BCL2L1: variants seen among roughly 807,000 people sequenced by gnomAD.
BCL2L1 encodes the protein bcl-2-like protein 1.
BCL2L1 carries 1 observed loss-of-function variant against 18.7 expected under a neutral mutation model. That is an observed-to-expected ratio of 0.05 (90% CI 0.02 to 0.25). The LOEUF (loss-of-function observed/expected upper bound fraction) is 0.25. BCL2L1 is among the 10% of genes least tolerant of loss of function. The pLI, the probability that BCL2L1 is intolerant of heterozygous loss-of-function variation, is 1.00. For missense variants in BCL2L1, 207 were observed against 304.9 expected, an observed-to-expected ratio of 0.68 and a Z score of 2.39; for synonymous variants, 103 against 122.7, an observed-to-expected ratio of 0.84 and a Z score of 1.06.
chr20:31,678,694 G>A (rs2060803905), intron 2 of BCL2L1, among the ~76,000 whole-genome samples: 1 of 152,152 alleles, frequency 6.6e-6, no homozygotes, highest in South Asian at 2.1e-4. Flanking sequence ...CTATGACCAG[G>A]CAGACTCCTG....
intron 2 of BCL2L1, among the ~76,000 whole-genome samples, chr20:31,717,625 T>C (rs1038601611): frequency 6.6e-6 from 1 of 152,210 alleles, no homozygotes; most frequent in South Asian, 2.1e-4. Flanking sequence ...GGGTTTCTAA[T>C]GGGGTTTCCC....
upstream of BCL2L1, chr20:31,723,842 G>C: frequency 1.0e-6 from 1 of 985,436 alleles, no homozygotes; most frequent in Non-Finnish European, 1.2e-6. Context: ...ACCCGGGCCG[G>C]CCTACCTGGC....
intron 2 of BCL2L1, among the ~76,000 whole-genome samples, chr20:31,692,360 C>T (rs1296320741): frequency 2.0e-5 from 3 of 152,230 alleles, no homozygotes. Flanking sequence ...GAGACATGAT[C>T]ATATAAATGG....
At chr20:31,714,262 AC>A (rs1465765894) in intron 2 of BCL2L1, among the ~76,000 whole-genome samples, 2 of 152,204 alleles carry the variant, frequency 1.3e-5, no homozygotes, top group Non-Finnish European at 2.9e-5. Flanking sequence ...ATAAAGGGAA[AC>A]TGGGGACTGG....
chr20:31,702,968 G>A (rs1438416234), intron 2 of BCL2L1, among the ~76,000 whole-genome samples: 1 of 151,672 alleles, frequency 6.6e-6, no homozygotes, highest in East Asian at 2.0e-4. Flanking sequence ...AAAAAGTCTG[G>A]GTTTTATTCT....
intron 2 of BCL2L1, among the ~76,000 whole-genome samples, chr20:31,676,431 G>A (rs1474973466): frequency 6.6e-6 from 1 of 152,176 alleles, no homozygotes; most frequent in African/African-American, 2.4e-5. Context: ...TCTGTCTCCA[G>A]AGTCCAAACA....
Position 31,721,896 on chromosome 20 carries a change from A to C in BCL2L1, c.323T>G (p.Leu108Arg), listed in dbSNP as rs139457299. The C allele has an allele frequency of 6.2e-7, 1 of 1,614,178 alleles. No homozygotes were observed. Among genetic ancestry groups the C allele is most frequent in the Non-Finnish European group, 8.5e-7 (1 of 1,180,020 alleles). Residue 108 changes from leucine to arginine, a missense_variant, in exon 2 of 3, where the codon CTG becomes CGG. Transcript: ENST00000307677. ...TGGGGTGATGTGGAGCTGGGATGTC[A>C]GGTCACTGAATGCCCGCCGGTACCG... ...ELRYRRAFSD[L>R]TSQLHITPGT...
Position 31,694,970 on chromosome 20 carries a change from C to T in BCL2L1, c.564+26685G>A, listed in dbSNP as rs573381479. Among the ~76,000 whole-genome samples the T allele has an allele frequency of 2.6e-5, 4 of 152,284 alleles. No homozygotes were observed. The East Asian group carries it at 7.7e-4, about 29-fold the overall frequency. ...GAATGCAGGCAGTTCAACTCCACAG[C>T]CCTAGCAGGAAATCACTATCAGCCA... On this transcript the variant is annotated intron_variant, in intron 2 of 2. Transcript: ENST00000307677.
intron 2 of BCL2L1, among the ~76,000 whole-genome samples, chr20:31,689,038 G>C (rs1439760794): frequency 6.6e-6 from 1 of 151,224 alleles, no homozygotes; most frequent in East Asian, 2.0e-4. Flanking sequence ...CTATCCTCTG[G>C]GTTAAGTCTG....
intron 2 of BCL2L1, among the ~76,000 whole-genome samples, chr20:31,703,648 C>T (rs1469290708): frequency 7.3e-5 from 11 of 150,818 alleles, no homozygotes; most frequent in African/African-American, 2.7e-4. Flanking sequence ...TGCACCACCA[C>T]ACCCGGCTAA....
At chr20:31,696,824 G>A (rs1486592123) in intron 2 of BCL2L1, among the ~76,000 whole-genome samples, 1 of 152,118 alleles carries the variant, frequency 6.6e-6, no homozygotes, top group Non-Finnish European at 1.5e-5. Flanking sequence ...GGGAAGCCGA[G>A]GCGGGTGGAT....
At chr20:31,670,763 G>A (rs1469455172) in intron 2 of BCL2L1, among the ~76,000 whole-genome samples, 1 of 152,210 alleles carries the variant, frequency 6.6e-6, no homozygotes, top group Non-Finnish European at 1.5e-5. Context: ...AAAATGGGGC[G>A]TGCTGTTCCA....
At chr20:31,680,820 T>G (rs1220983283) in intron 2 of BCL2L1, among the ~76,000 whole-genome samples, 1 of 152,062 alleles carries the variant, frequency 6.6e-6, no homozygotes. Context: ...TGTCAGACGG[T>G]GATGCATTAA....
chr20:31,685,004 T>C (rs1165290169), intron 2 of BCL2L1, among the ~76,000 whole-genome samples: 1 of 152,204 alleles, frequency 6.6e-6, no homozygotes, highest in Non-Finnish European at 1.5e-5. Context: ...ATTTACTGGC[T>C]CTGGGGACCT....
intron 2 of BCL2L1, among the ~76,000 whole-genome samples, chr20:31,677,442 C>A (rs916427138): frequency 6.6e-6 from 1 of 152,160 alleles, no homozygotes; most frequent in Non-Finnish European, 1.5e-5. Flanking sequence ...CCTCGGCCCC[C>A]CAAAGTGCTG....
At chr20:31,688,264 C>G (rs1215174324) in intron 2 of BCL2L1, among the ~76,000 whole-genome samples, 1 of 151,702 alleles carries the variant, frequency 6.6e-6, no homozygotes, top group Non-Finnish European at 1.5e-5. Context: ...GCGAACATAG[C>G]AAAACCCTGT....
chr20:31,697,362 G>A (rs1038136984), intron 2 of BCL2L1, among the ~76,000 whole-genome samples: 1 of 152,082 alleles, frequency 6.6e-6, no homozygotes, highest in Non-Finnish European at 1.5e-5. Flanking sequence ...TGGCTGGAAG[G>A]AGCCTATTCA....
intron 2 of BCL2L1, among the ~76,000 whole-genome samples, chr20:31,708,096 G>C (rs1054423252): frequency 6.6e-6 from 1 of 152,306 alleles, no homozygotes; most frequent in Non-Finnish European, 1.5e-5. Context: ...ACTGAGATGG[G>C]GAGGTAAGGA....
chr20:31,669,071 T>C (rs1272351155), intron 2 of BCL2L1, among the ~76,000 whole-genome samples: 2 of 152,042 alleles, frequency 1.3e-5, no homozygotes, highest in East Asian at 3.9e-4. Flanking sequence ...TTTTTAAATT[T>C]TTGTGACAGT....
Sources: gnomAD v4.1 joint callset for allele counts (sites outside exome capture counted in the v4.1 genomes callset) on GRCh38, gnomAD v4.1.1 for gene constraint, MANE v1.5 for transcripts, NCBI Gene and HGNC (gene_info 2026-07-23, HGNC 2026-07-21) for gene names.